Variants in NEDD4 observed in about 807,000 individuals in gnomAD.
NEDD4 encodes NEDD4 E3 ubiquitin protein ligase.
Under a neutral mutation model 144.9 loss-of-function variants are expected in NEDD4, and 99 were observed. That is an observed-to-expected ratio of 0.68 (90% CI 0.58 to 0.81). The LOEUF (loss-of-function observed/expected upper bound fraction) is 0.81. NEDD4 is among the 30% of genes least tolerant of loss of function. NEDD4 has a pLI of 0.00. For missense variants in NEDD4, 985 were observed against 1,065.9 expected, an observed-to-expected ratio of 0.92 and a Z score of 1.06; for synonymous variants, 318 against 350.6, an observed-to-expected ratio of 0.91 and a Z score of 1.04.
In NEDD4 at chr15:55,834,300, G is replaced by C. The variant is rs1414140753; in HGVS notation, c.2263-14C>G. On this transcript the variant is annotated splice_polypyrimidine_tract_variant and intron_variant, in intron 24 of 28. Transcript: ENST00000435532. ...TTCAAAGAATCCCTAGAAAAAAGAT[G>C]TATTTAAAAACTTGATGGGCAGGGC... 9 of 1,582,348 alleles carry C rather than the reference G, an allele frequency of 5.7e-6. No homozygotes were observed. The highest frequency in any genetic ancestry group is 7.8e-6 in the Non-Finnish European group (9 of 1,153,912).
intron 2 of NEDD4, among the ~76,000 whole-genome samples, chr15:55,960,326 A>C (rs1193408764): frequency 1.3e-5 from 2 of 152,210 alleles, no homozygotes; most frequent in Non-Finnish European, 2.9e-5. Flanking sequence ...GGCACCATCT[A>C]ATCAGCTGCC....
Position 55,916,636 on chromosome 15 carries a change from C to G in NEDD4, c.291+8010G>C, listed in dbSNP as rs753990774. On this transcript the variant is annotated intron_variant, in intron 5 of 28. Coordinates refer to ENST00000435532, the MANE Select transcript of NEDD4 (RefSeq NM_006154.4). ...ACAGATGATCTTTCTTGAGACTGAACGTTTTCCTTTATTAACGGAGCTAGT... is the reference window on the plus strand; with the variant it reads ...ACAGATGATCTTTCTTGAGACTGAAGGTTTTCCTTTATTAACGGAGCTAGT... 5 of 1,613,850 alleles carry G rather than the reference C, an allele frequency of 3.1e-6. No homozygotes were observed. In the Admixed American group the frequency reaches 5.0e-5, roughly 16 times the overall value.
intron 7 of NEDD4, 57 bp from the exon 8 acceptor site, chr15:55,869,738 A>T: frequency 8.7e-7 from 1 of 1,154,890 alleles, no homozygotes. Context: ...AAAGTATTCA[A>T]TTAATAAGAG....
intron 5 of NEDD4, among the ~76,000 whole-genome samples, chr15:55,913,918 C>T (rs1231023744): frequency 2.0e-5 from 3 of 151,782 alleles, no homozygotes; most frequent in East Asian, 1.9e-4. Flanking sequence ...ATACTATTAA[C>T]GTTTCTTCTC....
At chr15:55,875,852 GA>G in intron 5 of NEDD4, among the ~76,000 whole-genome samples, 1 of 151,666 alleles carries the variant, frequency 6.6e-6, no homozygotes, top group African/African-American at 2.4e-5. Context: ...AATATTTGGG[GA>G]AAAAAACAGC....
Position 55,852,412 on chromosome 15 carries a change from A to G in NEDD4, c.1146+12T>C. 1 of 1,603,120 alleles carries G rather than the reference A, an allele frequency of 6.2e-7. No homozygotes were observed. The highest frequency in any genetic ancestry group is 8.5e-7 in the Non-Finnish European group (1 of 1,174,026). ...ATCCTGTAAGAAAGCAAGTTGATAG[A>G]TTACAGGATACCTGTACAGTGGGCT... On this transcript the variant is annotated intron_variant, in intron 13 of 28. Coordinates refer to ENST00000435532, the MANE Select transcript of NEDD4 (RefSeq NM_006154.4).
intron 1 of NEDD4, among the ~76,000 whole-genome samples, chr15:55,974,939 C>G (rs1223600024): frequency 2.5e-5 from 3 of 122,026 alleles, no homozygotes; most frequent in Non-Finnish European, 4.9e-5. Flanking sequence ...GTCACCCAGG[C>G]TGGAGTGCAG....
In NEDD4 at chr15:55,827,472, T is replaced by A. The variant is rs570468159; in HGVS notation, c.*2425A>T. 17 of 152,260 alleles carry A rather than the reference T, an allele frequency of 1.1e-4. No individual in the cohort carries two copies. The South Asian group carries it at 3.5e-3, about 32-fold the overall frequency. 9.4% of individuals were successfully genotyped at this position (152,260 alleles called of 1,614,324 possible). A position where few individuals can be genotyped will look rare whatever the true frequency, so the allele number is the denominator to read the frequency against. ...CTCATTTAACATCATGTTCTATGAG[T>A]CACAGAATCATCCAAATGAGTATCA... On this transcript the variant is annotated 3_prime_UTR_variant, in exon 29 of 29. Coordinates refer to ENST00000435532, the MANE Select transcript of NEDD4 (RefSeq NM_006154.4).
intron 4 of NEDD4, among the ~76,000 whole-genome samples, chr15:55,934,420 T>C (rs900172504): frequency 5.3e-5 from 8 of 152,182 alleles, no homozygotes; most frequent in African/African-American, 1.9e-4. Context: ...CTACGAACAT[T>C]GGTGCGCAAG....
chr15:55,862,957 T>TA lies in NEDD4; in HGVS notation c.629dup (p.Asn211LysfsTer3). Reference sequence around the variant, plus strand: ...ACTGTGTTCTTCTAGATTCATGGTTTACATAATAGGTCCTTCCAAGGATAT... The same window carrying TA: ...ACTGTGTTCTTCTAGATTCATGGTTTAACATAATAGGTCCTTCCAAGGATAT... On this transcript the variant is annotated frameshift_variant, in exon 9 of 29. Transcript: ENST00000435532. LOFTEE classifies it high-confidence loss of function. 6.2e-7 allele frequency: 1 copy of TA among 1,609,920 alleles called. No individual in the cohort carries two copies.
Position 55,967,031 on chromosome 15 carries a change from C to G in NEDD4, c.46-485G>C, listed in dbSNP as rs565550082. Among the ~76,000 whole-genome samples the G allele has an allele frequency of 2.0e-5, 3 of 152,146 alleles. No homozygotes were observed. In the East Asian group the frequency reaches 5.8e-4, roughly 30 times the overall value. On this transcript the variant is annotated intron_variant, in intron 1 of 28. Transcript: ENST00000435532. ...CCTCCTGAGTAGCTGAGATTACAGG[C>G]ATGCGCCACCATGCCCAGATAATTT...
intron 1 of NEDD4, among the ~76,000 whole-genome samples, chr15:55,975,314 G>C (rs2037681482): frequency 6.6e-6 from 1 of 152,114 alleles, no homozygotes; most frequent in Non-Finnish European, 1.5e-5. Context: ...ATTTGAGAAT[G>C]ATATGAACTT....
In NEDD4 at chr15:55,847,512, G is replaced by T. The variant is rs182657315; in HGVS notation, c.1543-478C>A. Among the ~76,000 whole-genome samples, 5 of 151,980 alleles carry T rather than the reference G, an allele frequency of 3.3e-5. No individual in the cohort carries two copies. In the East Asian group the frequency reaches 9.7e-4, roughly 29 times the overall value. On this transcript the variant is annotated intron_variant, in intron 17 of 28. Transcript: ENST00000435532. ...CAGTTTTATTTATTTTTATGAATTAGAAAACAAAATCTGAATAAAATGGAA... is the reference window on the plus strand; with the variant it reads ...CAGTTTTATTTATTTTTATGAATTATAAAACAAAATCTGAATAAAATGGAA...
chr15:55,926,732 C>G (rs1215708847), intron 4 of NEDD4, among the ~76,000 whole-genome samples: 3 of 152,104 alleles, frequency 2.0e-5, no homozygotes, highest in Non-Finnish European at 4.4e-5. Context: ...TGCCACTGCA[C>G]TCCAGCCTAG....
chr15:55,890,878 C>T (rs1018605642), intron 5 of NEDD4, among the ~76,000 whole-genome samples: 8 of 152,128 alleles, frequency 5.3e-5, no homozygotes, highest in African/African-American at 1.7e-4. Flanking sequence ...TTTGCATTTC[C>T]CTGGCAGCCA....
At chr15:55,903,845 C>CACACAT (rs1162581511) in intron 5 of NEDD4, among the ~76,000 whole-genome samples, 5 of 122,322 alleles carry the variant, frequency 4.1e-5, no homozygotes, top group African/African-American at 6.3e-5. Flanking sequence ...AAAAAACACA[C>CACACAT]ATATATATAT....
intron 1 of NEDD4, among the ~76,000 whole-genome samples, chr15:55,968,628 C>A (rs987985153): frequency 6.6e-6 from 1 of 152,088 alleles, no homozygotes; most frequent in Non-Finnish European, 1.5e-5. Flanking sequence ...CTAAGAAATA[C>A]ATGAAAAGAT....
chr15:55,915,217 T>C, intron 5 of NEDD4: 1 of 1,407,090 alleles, frequency 7.1e-7, no homozygotes, highest in Non-Finnish European at 9.5e-7. Context: ...ACAATAAATG[T>C]TCTCCAAATA....
At chr15:55,834,742 G>GAAC (rs1407761806) in intron 24 of NEDD4, among the ~76,000 whole-genome samples, 1 of 152,086 alleles carries the variant, frequency 6.6e-6, no homozygotes, top group Non-Finnish European at 1.5e-5. Flanking sequence ...AAAACAACAA[G>GAAC]AACAACAACA....
Sources: gnomAD v4.1 joint callset for allele counts (sites outside exome capture counted in the v4.1 genomes callset) on GRCh38, gnomAD v4.1.1 for gene constraint, MANE v1.5 for transcripts, NCBI Gene and HGNC (gene_info 2026-07-23, HGNC 2026-07-21) for gene names.